The following FANCC variants were observed in gnomAD, a reference collection of about 807,000 sequenced individuals.
FANCC encodes Fanconi anemia group C protein.
In FANCC, 55 loss-of-function variants were observed where a neutral mutation model predicts 71.3. The ratio of observed to expected loss-of-function variants is 0.77; its 90% confidence interval spans 0.62 to 0.97. The LOEUF (loss-of-function observed/expected upper bound fraction) is 0.97. Ranked by LOEUF, FANCC falls within the 50% of genes least tolerant of loss-of-function variation. FANCC has a pLI of 0.00. For missense variants in FANCC, 678 were observed against 670.9 expected, an observed-to-expected ratio of 1.01 and a Z score of -0.12; for synonymous variants, 275 against 244.9, an observed-to-expected ratio of 1.12 and a Z score of -1.15.
chr9:95,144,870 C>T (rs1199057448), intron 7 of FANCC, among the ~76,000 whole-genome samples: 2 of 152,172 alleles, frequency 1.3e-5, no homozygotes, highest in Non-Finnish European at 2.9e-5. Flanking sequence ...ACGTTCACAA[C>T]GCCCTTTACT....
chr9:95,283,678 C>A (rs1833503343), intron 1 of FANCC, among the ~76,000 whole-genome samples: 1 of 152,186 alleles, frequency 6.6e-6, no homozygotes, highest in Non-Finnish European at 1.5e-5. Flanking sequence ...GCAAATAACT[C>A]ACTTTACAAA....
chr9:95,194,072 G>GT (rs1027569274), intron 4 of FANCC, among the ~76,000 whole-genome samples: 34 of 151,520 alleles, frequency 2.2e-4, no homozygotes, highest in African/African-American at 2.9e-4. Context: ...AGAGGGTTGT[G>GT]TTTTTTTTTA....
intron 1 of FANCC, among the ~76,000 whole-genome samples, chr9:95,260,334 T>A (rs1338958256): frequency 2.0e-5 from 3 of 152,166 alleles, no homozygotes; most frequent in Non-Finnish European, 4.4e-5. Flanking sequence ...ATGTGGCACA[T>A]ATACACCATG....
chr9:95,123,037 C>G (rs1208047981), intron 10 of FANCC, among the ~76,000 whole-genome samples: 1 of 152,300 alleles, frequency 6.6e-6, no homozygotes, highest in African/African-American at 2.4e-5. Context: ...CACAGTGGCT[C>G]AAGCCTGGAA....
chr9:95,235,149 C>T (rs1406671233), intron 4 of FANCC, among the ~76,000 whole-genome samples: 1 of 150,026 alleles, frequency 6.7e-6, no homozygotes, highest in Non-Finnish European at 1.5e-5. Flanking sequence ...TGCAGGATCA[C>T]ACCTGTGCAC....
At chr9:95,228,162 G>A (rs1319631902) in intron 4 of FANCC, among the ~76,000 whole-genome samples, 2 of 152,130 alleles carry the variant, frequency 1.3e-5, no homozygotes, top group Non-Finnish European at 2.9e-5. Flanking sequence ...ATACAATTGT[G>A]GAATAAATGA....
intron 6 of FANCC, among the ~76,000 whole-genome samples, chr9:95,166,513 T>C (rs915123016): frequency 5.9e-5 from 9 of 152,170 alleles, no homozygotes; most frequent in African/African-American, 2.2e-4. Context: ...GTTTATGTTA[T>C]CAATATCACA....
chr9:95,253,792 G>A (rs573203815), intron 1 of FANCC, among the ~76,000 whole-genome samples: 2 of 151,836 alleles, frequency 1.3e-5, no homozygotes, highest in South Asian at 2.1e-4. Flanking sequence ...ATGGACCAGG[G>A]CGGGGGCAGG....
At chr9:95,205,741 T>C (rs899613398) in intron 4 of FANCC, among the ~76,000 whole-genome samples, 20 of 152,130 alleles carry the variant, frequency 1.3e-4, no homozygotes, top group Middle Eastern at 3.4e-3. Context: ...TCAATATTCA[T>C]TAACATTAAA....
At chr9:95,186,001 T>C (rs1475394911) in intron 4 of FANCC, among the ~76,000 whole-genome samples, 4 of 152,228 alleles carry the variant, frequency 2.6e-5, no homozygotes. Flanking sequence ...AATGGACTTA[T>C]TATTCAGCAC....
chr9:95,302,888 C>T (rs1564842248), intron 1 of FANCC, among the ~76,000 whole-genome samples: 1 of 152,230 alleles, frequency 6.6e-6, no homozygotes, highest in Non-Finnish European at 1.5e-5. Flanking sequence ...ACTCAGTATG[C>T]ATATGACACT....
At chr9:95,276,875 G>A (rs902753862) in intron 1 of FANCC, among the ~76,000 whole-genome samples, 2 of 152,166 alleles carry the variant, frequency 1.3e-5, no homozygotes, top group South Asian at 2.1e-4. Flanking sequence ...AGGCTGCAGC[G>A]TCTACTCTGA....
At chr9:95,279,074 G>A (rs746354155) in intron 1 of FANCC, among the ~76,000 whole-genome samples, 32 of 152,012 alleles carry the variant, frequency 2.1e-4, no homozygotes, top group Non-Finnish European at 5.9e-5. Flanking sequence ...CAGAACTCTG[G>A]GAGGTGAAGG....
intron 7 of FANCC, among the ~76,000 whole-genome samples, chr9:95,143,479 T>C (rs1017795807): frequency 3.9e-5 from 6 of 152,130 alleles, no homozygotes; most frequent in African/African-American, 1.4e-4. Context: ...TACACTCAGG[T>C]GTGGTGAAAA....
At chr9:95,104,038 G>A (rs1317654589) in intron 14 of FANCC, among the ~76,000 whole-genome samples, 1 of 152,160 alleles carries the variant, frequency 6.6e-6, no homozygotes, top group Non-Finnish European at 1.5e-5. Flanking sequence ...AGCTGTAGGA[G>A]GGAAAGGCCG....
At chr9:95,110,917 A>ATT in intron 13 of FANCC, 1 of 1,313,544 alleles carries the variant, frequency 7.6e-7, no homozygotes. Context: ...TATTTAGGAA[A>ATT]TGACCAACTT....
Position 95,293,595 on chromosome 9 carries a change from T to C in FANCC, c.-79+23931A>G, listed in dbSNP as rs1834188861. 5.0e-6 allele frequency: 8 copies of C among 1,614,226 alleles called. No individual in the cohort carries two copies. In the East Asian group the frequency reaches 1.8e-4, roughly 36 times the overall value. ...AATCAACGTGCAGACAGATCTGTCT[T>C]ATGCCTCACAAAACTTTATACCTTC... On this transcript the variant is annotated intron_variant, in intron 1 of 14. Transcript: ENST00000289081.
chr9:95,186,637 T>C (rs911726408), intron 4 of FANCC: 1 of 152,214 alleles, frequency 6.6e-6, no homozygotes. Flanking sequence ...AGAGTCAGTA[T>C]AATTCCACCT....
chr9:95,138,182 C>G (rs529209667), intron 7 of FANCC, among the ~76,000 whole-genome samples: 4 of 152,252 alleles, frequency 2.6e-5, no homozygotes, highest in Middle Eastern at 3.2e-3. Flanking sequence ...AGGACCAGGA[C>G]TCGCAGCTGG....
Sources: gnomAD v4.1 joint callset for allele counts (sites outside exome capture counted in the v4.1 genomes callset) on GRCh38, gnomAD v4.1.1 for gene constraint, MANE v1.5 for transcripts, NCBI Gene and HGNC (gene_info 2026-07-23, HGNC 2026-07-21) for gene names.